SPACA7: variants seen among roughly 807,000 people sequenced by gnomAD.
SPACA7 encodes sperm acrosome associated 7.
In SPACA7, 19 loss-of-function variants were observed where a neutral mutation model predicts 26.3. The observed-to-expected ratio is 0.72, with a 90% CI of 0.50 to 1.06. SPACA7 has a LOEUF of 1.06. Among genes scored for constraint, SPACA7 ranks in the 50% least tolerant of loss-of-function variants. SPACA7 has a pLI of 0.00. For missense variants in SPACA7, 211 were observed against 229.9 expected (o/e 0.92, Z 0.53); for synonymous variants, 84 against 84.5 (o/e 0.99, Z 0.04).
chr13:112,378,271 G>A (rs1461476778), intron 1 of SPACA7, among the ~76,000 whole-genome samples: 2 of 152,114 alleles, frequency 1.3e-5, no homozygotes, highest in Non-Finnish European at 2.9e-5. Flanking sequence ...AAGTAAGGTG[G>A]AGTTTATCAA....
chr13:112,398,831 T>C (rs562801083), intron 3 of SPACA7, among the ~76,000 whole-genome samples: 34 of 152,322 alleles, frequency 2.2e-4, no homozygotes, highest in African/African-American at 7.9e-4. Flanking sequence ...TAAATTCCAG[T>C]TCCTAGGATT....
At chr13:112,431,410 C>A (rs1366072218) in intron 5 of SPACA7, among the ~76,000 whole-genome samples, 1 of 152,156 alleles carries the variant, frequency 6.6e-6, no homozygotes, top group Non-Finnish European at 1.5e-5. Context: ...ACTGACTGTG[C>A]CTAAACTTCA....
intron 5 of SPACA7, among the ~76,000 whole-genome samples, chr13:112,424,531 A>C (rs1368719833): frequency 6.6e-6 from 1 of 152,160 alleles, no homozygotes; most frequent in Admixed American, 6.5e-5. Flanking sequence ...GGTGCTTTTC[A>C]TTAAAAGAAA....
chr13:112,415,126 T>C (rs918421085), intron 5 of SPACA7, among the ~76,000 whole-genome samples: 1 of 152,224 alleles, frequency 6.6e-6, no homozygotes, highest in Non-Finnish European at 1.5e-5. Context: ...GAGAATCCTC[T>C]GGGCTCCCAA....
chr13:112,376,490 A>G lies in SPACA7; in HGVS notation c.94+11A>G, dbSNP rs554428636. ...GAACCGTGATTCCAGGTAGGGCCCC[A>G]CAGGGATGTCTCAGCAGAAAGAGAA... On this transcript the variant is annotated intron_variant, in intron 1 of 6. Transcript: ENST00000283550. The G allele has an allele frequency of 4.4e-4, 710 of 1,610,158 alleles. 9 individuals are homozygous for G. The South Asian group carries it at 7.2e-3, about 16-fold the overall frequency.
intron 5 of SPACA7, among the ~76,000 whole-genome samples, chr13:112,409,434 C>T (rs201156143): frequency 1.3e-5 from 2 of 148,952 alleles, no homozygotes; most frequent in African/African-American, 5.0e-5. Flanking sequence ...AGGCAACCTG[C>T]AGAATGGGAG....
chr13:112,410,938 C>T (rs1229384464), intron 5 of SPACA7, among the ~76,000 whole-genome samples: 2 of 152,010 alleles, frequency 1.3e-5, no homozygotes, highest in Admixed American at 6.6e-5. Flanking sequence ...AAATGTTGTC[C>T]GTCCATTTCT....
rs1370614932 is a variant in SPACA7, at chr13:112,434,499, A to T, written c.538A>T (p.Lys180Ter). Residue 180 changes from lysine (K) to a stop codon, truncating the protein, a stop_gained, in exon 7 of 7, where the codon AAA becomes TAA. Transcript: ENST00000283550. LOFTEE classifies it low-confidence loss of function (END_TRUNC). ...IGRSSGNIFHKEQQRTSAQRR... is the reference protein window; with the variant it reads ...IGRSSGNIFH ...TTTCCACACAGGAAACATTTTCCAT[A>T]AAGAGCAGCAGAGGACCAGCGCACA... 6.2e-7 allele frequency: 1 copy of T among 1,610,202 alleles called. No individual in the cohort carries two copies. The highest frequency in any genetic ancestry group is 1.3e-5 in the African/African-American group (1 of 74,838).
chr13:112,392,941 C>T lies in SPACA7; in HGVS notation c.95-80C>T, dbSNP rs939061633. ...TCTAGAGGGGGCTGGTGGGCACCCACAAAACCATATCCATTTAAAGAGAAA... is the reference window on the plus strand; with the variant it reads ...TCTAGAGGGGGCTGGTGGGCACCCATAAAACCATATCCATTTAAAGAGAAA... On this transcript the variant is annotated intron_variant, in intron 1 of 6. Coordinates refer to ENST00000283550, the MANE Select transcript of SPACA7 (RefSeq NM_145248.5). The T allele has an allele frequency of 2.8e-5, 37 of 1,318,146 alleles. No homozygotes were observed. In the African/African-American group the frequency reaches 4.6e-4, roughly 16 times the overall value. 81.7% of individuals were successfully genotyped at this position (1,318,146 alleles called of 1,614,324 possible). A position where few individuals can be genotyped will look rare whatever the true frequency, so the allele number is the denominator to read the frequency against.
intron 1 of SPACA7, among the ~76,000 whole-genome samples, chr13:112,386,371 C>T (rs76270003): frequency 6.6e-6 from 1 of 152,104 alleles, no homozygotes; most frequent in Non-Finnish European, 1.5e-5. Context: ...TTTCTGATAC[C>T]CCCAAAACTC....
intron 3 of SPACA7, among the ~76,000 whole-genome samples, chr13:112,398,471 C>T (rs1242416475): frequency 2.6e-5 from 4 of 152,060 alleles, no homozygotes; most frequent in Non-Finnish European, 5.9e-5. Context: ...CTTTACAGTT[C>T]CTCCCACACA....
intron 5 of SPACA7, among the ~76,000 whole-genome samples, chr13:112,417,547 C>G (rs571791792): frequency 6.6e-6 from 1 of 152,120 alleles, no homozygotes; most frequent in African/African-American, 2.4e-5. Context: ...TACTTTTGTC[C>G]TTTGTCATTC....
chr13:112,387,937 T>C (rs753215999), intron 1 of SPACA7, among the ~76,000 whole-genome samples: 32 of 152,312 alleles, frequency 2.1e-4, no homozygotes, highest in Non-Finnish European at 3.8e-4. Context: ...TGGTCCCTGT[T>C]TTCTTTGATC....
intron 1 of SPACA7, among the ~76,000 whole-genome samples, chr13:112,379,442 C>T (rs953924912): frequency 6.6e-6 from 1 of 152,144 alleles, no homozygotes; most frequent in African/African-American, 2.4e-5. Context: ...GATGAGAGTT[C>T]ATTATGCTGC....
intron 5 of SPACA7, among the ~76,000 whole-genome samples, chr13:112,423,518 GA>G (rs1207079291): frequency 6.6e-6 from 1 of 151,784 alleles, no homozygotes; most frequent in African/African-American, 2.4e-5. Context: ...TGTCATAATT[GA>G]AAAAAAAGTA....
chr13:112,395,777 A>G (rs1319192741), intron 2 of SPACA7, among the ~76,000 whole-genome samples: 1 of 152,160 alleles, frequency 6.6e-6, no homozygotes, highest in African/African-American at 2.4e-5. Flanking sequence ...GCCTGGCCAC[A>G]GCTGTTTTGA....
chr13:112,430,383 A>G (rs1177338009), intron 5 of SPACA7, among the ~76,000 whole-genome samples: 2 of 152,206 alleles, frequency 1.3e-5, no homozygotes, highest in Non-Finnish European at 2.9e-5. Context: ...TCAGGGGATC[A>G]CTGCTCTTTG....
intron 5 of SPACA7, among the ~76,000 whole-genome samples, chr13:112,413,090 C>T (rs1439323944): frequency 6.6e-6 from 1 of 152,048 alleles, no homozygotes; most frequent in Non-Finnish European, 1.5e-5. Context: ...CATCTTTATA[C>T]TAAAGATATG....
chr13:112,412,159 T>A (rs1168634145), intron 5 of SPACA7, among the ~76,000 whole-genome samples: 4 of 152,340 alleles, frequency 2.6e-5, no homozygotes, highest in Admixed American at 2.0e-4. Context: ...TGGGATGAGA[T>A]GATATCTCAT....
Sources: gnomAD v4.1 joint callset for allele counts (sites outside exome capture counted in the v4.1 genomes callset) on GRCh38, gnomAD v4.1.1 for gene constraint, MANE v1.5 for transcripts, NCBI Gene and HGNC (gene_info 2026-07-23, HGNC 2026-07-21) for gene names.